The following CEP104 variants were observed in gnomAD, a reference collection of about 807,000 sequenced individuals.
CEP104 encodes the protein centrosomal protein 104.
CEP104 carries 84 observed loss-of-function variants against 113.3 expected under a neutral mutation model. The ratio of observed to expected loss-of-function variants is 0.74; its 90% CI spans 0.62 to 0.89. The LOEUF (loss-of-function observed/expected upper bound fraction) is 0.89, where lower values mean the gene tolerates loss of function less well. CEP104 is among the 40% of genes least tolerant of loss of function. CEP104 has a pLI of 0.00. For missense variants in CEP104, 1,053 were observed against 1,156.6 expected (o/e 0.91, Z 1.30); for synonymous variants, 378 against 421.7 (o/e 0.90, Z 1.27).
chr1:3,824,610 C>A (rs190983515), intron 18 of CEP104, among the ~76,000 whole-genome samples: 1 of 152,166 alleles, frequency 6.6e-6, no homozygotes, highest in Non-Finnish European at 1.5e-5. Context: ...CTCACATCCA[C>A]GTGTATAAAG....
chr1:3,836,116 G>A (rs981496734), intron 10 of CEP104, among the ~76,000 whole-genome samples: 2 of 151,938 alleles, frequency 1.3e-5, no homozygotes, highest in East Asian at 1.9e-4. Flanking sequence ...CCTGGCTAAC[G>A]TGGTGAAACT....
chr1:3,834,809 G>A, intron 11 of CEP104, 116 bp downstream of exon 11: 2 of 871,054 alleles, frequency 2.3e-6, no homozygotes, highest in Non-Finnish European at 3.5e-6. Flanking sequence ...TTGAGTTACA[G>A]TTGGTGACCA....
intron 2 of CEP104, among the ~76,000 whole-genome samples, chr1:3,850,321 A>T (rs1022459711): frequency 3.9e-5 from 6 of 152,280 alleles, no homozygotes; most frequent in African/African-American, 1.4e-4. Flanking sequence ...ACAGCTAAAA[A>T]GGCTAGTATG....
chr1:3,823,486 C>T lies in CEP104; in HGVS notation c.2441G>A (p.Arg814His), dbSNP rs367663524. The T allele has an allele frequency of 3.5e-5, 56 of 1,614,124 alleles. No homozygotes were observed. Among genetic ancestry groups the T allele is most frequent in the South Asian group, 4.4e-5 (4 of 91,092 alleles). The change falls in exon 19 of 22, where the codon CGT (arginine) becomes CAT (histidine). Residue 814 changes from arginine to histidine, a missense_variant. Arg to His is a conservative substitution (Grantham distance 29, BLOSUM62 0). Coordinates refer to ENST00000378230, the MANE Select transcript of CEP104 (RefSeq NM_014704.4). This position sits in a 1 kb window ranked among gnomAD's most constrained non-coding sequence, Gnocchi z 4.1. ...DKKDGFGKCY[R>H]CSEAVFKEEL... ...TTCCTTGAAAACAGCCTCACTGCAA[C>T]GGTAACACTTTCCAAACCCGTCTTT...
intron 3 of CEP104, 176 bp from the exon 4 acceptor site, chr1:3,847,789 T>C (rs771682166): frequency 3.9e-5 from 24 of 620,848 alleles, no homozygotes; most frequent in Non-Finnish European, 6.0e-5. Context: ...ATGAAAAACC[T>C]AGGAAAAACC....
intron 5 of CEP104, 128 bp downstream of exon 5, chr1:3,845,161 C>A: frequency 1.2e-6 from 1 of 860,272 alleles, no homozygotes; most frequent in Non-Finnish European, 1.9e-6. Context: ...TAAAAATCAT[C>A]TGAAAGTTAT....
chr1:3,830,920 T>C, intron 13 of CEP104, 126 bp downstream of exon 13: 1 of 992,034 alleles, frequency 1.0e-6, no homozygotes, highest in Non-Finnish European at 1.4e-6. Flanking sequence ...GATGAAACAC[T>C]GGCTATTTTT....
chr1:3,830,652 T>A (rs1644186472), intron 13 of CEP104, among the ~76,000 whole-genome samples: 1 of 151,782 alleles, frequency 6.6e-6, no homozygotes, highest in African/African-American at 2.4e-5. Context: ...GTGGGCATCC[T>A]GTAGTACCAG....
intron 10 of CEP104, 23 bp downstream of exon 10, chr1:3,836,472 T>G (rs1644314486): frequency 2.3e-6 from 3 of 1,305,782 alleles, no homozygotes; most frequent in South Asian, 1.6e-5. Flanking sequence ...CACCCCGTTT[T>G]TTTTTTTTTT....
In CEP104 at chr1:3,815,234, G is replaced by A. The variant is rs142026108; in HGVS notation, c.*168C>T. 4.0e-4 allele frequency: 242 copies of A among 606,256 alleles called. No homozygotes were observed. In the East Asian group the frequency reaches 6.0e-3, roughly 15 times the overall value. The allele number at this position is 606,256 out of a possible 1,614,324, so 37.6% of individuals were successfully genotyped here. A position where few individuals can be genotyped will look rare whatever the true frequency, so the allele number is the denominator to read the frequency against. On this transcript the variant is annotated 3_prime_UTR_variant, in exon 22 of 22. Transcript: ENST00000378230. ...ATCTTTGGTTAGCTGCATCCATATC[G>A]TTTGCACGAGAGCTGACGGCACAGA...
intron 21 of CEP104, among the ~76,000 whole-genome samples, chr1:3,815,900 C>T (rs1643873180): frequency 6.6e-6 from 1 of 152,192 alleles, no homozygotes; most frequent in African/African-American, 2.4e-5. Context: ...TCTCGAACTC[C>T]TGACCTCAAG....
At chr1:3,836,723 T>C in intron 9 of CEP104, 31 bp from the exon 10 acceptor site, 1 of 1,604,636 alleles carries the variant, frequency 6.2e-7, no homozygotes, top group Non-Finnish European at 8.5e-7. Flanking sequence ...AGGAAAGTGC[T>C]GGGGAGCTCC....
intron 14 of CEP104, 120 bp downstream of exon 14, chr1:3,829,671 C>A: frequency 9.3e-7 from 1 of 1,079,944 alleles, no homozygotes; most frequent in Non-Finnish European, 1.4e-6. Context: ...TTAGCCAGGA[C>A]GCCGGGGCTT....
In CEP104 at chr1:3,823,652, C is replaced by A. The variant is rs1644026131; in HGVS notation, c.2365-90G>T. ...GCAGAGCCTGTGAGCGCCTCCCCTG[C>A]CCAGGGAGGTCTGTGCCGCCTGCAC... On this transcript the variant is annotated intron_variant, in intron 18 of 21. Transcript: ENST00000378230. This position sits in a 1 kb window ranked among gnomAD's most constrained non-coding sequence, Gnocchi z 4.1. The A allele has an allele frequency of 6.6e-7, 1 of 1,506,146 alleles. No homozygotes were observed. The highest frequency in any genetic ancestry group is 1.2e-5 in the South Asian group (1 of 86,504). 93.3% of individuals were successfully genotyped at this position (1,506,146 alleles called of 1,614,324 possible).
chr1:3,849,705 C>T (rs546911447), intron 2 of CEP104, among the ~76,000 whole-genome samples: 2 of 152,300 alleles, frequency 1.3e-5, no homozygotes, highest in South Asian at 4.1e-4. Flanking sequence ...ATTCTTTAGT[C>T]TTTCATGTCA....
chr1:3,851,207 T>C (rs970838541), intron 2 of CEP104, among the ~76,000 whole-genome samples: 3 of 152,048 alleles, frequency 2.0e-5, no homozygotes, highest in Non-Finnish European at 4.4e-5. Context: ...GTCTGGCCCC[T>C]TCTGCTTGAC....
chr1:3,856,049 G>T, intron 1 of CEP104: 2 of 609,550 alleles, frequency 3.3e-6, no homozygotes, highest in Non-Finnish European at 4.1e-6. Context: ...GAAACTCAGT[G>T]TAGCAACTTC....
chr1:3,826,308 G>C, intron 17 of CEP104, 62 bp downstream of exon 17: 3 of 1,448,276 alleles, frequency 2.1e-6, no homozygotes, highest in Non-Finnish European at 2.9e-6. Context: ...TCCCTTTCCA[G>C]GGTTTCTGTG....
Position 3,852,399 on chromosome 1 carries a change from G to C in CEP104, c.9C>G (p.His3Gln). The change falls in exon 2 of 22, where the codon CAC becomes CAG. Residue 3 changes from histidine (H) to glutamine (Q), a missense_variant. His to Gln is a conservative substitution (Grantham distance 24). Coordinates refer to ENST00000378230, the MANE Select transcript of CEP104 (RefSeq NM_014704.4). Reference sequence around the variant, plus strand: ...AGCTGACGACTACAAATCCAATCTTGTGGGGCATTCTGCACGTTTGGGCTG... The same window carrying C: ...AGCTGACGACTACAAATCCAATCTTCTGGGGCATTCTGCACGTTTGGGCTG... MPHKIGFVVVSSS... is the reference protein window; with the variant it reads MPQKIGFVVVSSS... The C allele has an allele frequency of 6.2e-7, 1 of 1,613,832 alleles. No homozygotes were observed. Among genetic ancestry groups the C allele is most frequent in the Non-Finnish European group, 8.5e-7 (1 of 1,179,890 alleles).
Sources: allele counts gnomAD v4.1 joint callset (sites outside exome capture counted in the v4.1 genomes callset), GRCh38; gene constraint gnomAD v4.1.1; non-coding constraint Gnocchi (gnomAD v3.1); transcripts MANE v1.5; gene names NCBI Gene and HGNC (gene_info 2026-07-23, HGNC 2026-07-21).